Variants in FGF21 observed in about 807,000 individuals in gnomAD.
The protein encoded by FGF21 is fibroblast growth factor 21.
A neutral mutation model predicts 13.4 loss-of-function variants in FGF21; 13 were observed. The ratio of observed to expected loss-of-function variants is 0.97; its 90% CI spans 0.63 to 1.54. The LOEUF (loss-of-function observed/expected upper bound fraction) is 1.54, where lower values mean the gene tolerates loss of function less well. FGF21 is among the 40% of genes most tolerant of loss of function. The pLI is 0.00. For synonymous variants in FGF21, 124 were observed against 123.6 expected, an observed-to-expected ratio of 1.00 and a Z score of -0.02; for missense variants, 303 against 272.4, an observed-to-expected ratio of 1.11 and a Z score of -0.79.
In FGF21 at chr19:48,756,446, G is replaced by T; in HGVS notation, c.210G>T (p.Gly70=). Reference sequence around the variant, plus strand: ...AGATCAGGGAGGATGGGACGGTGGGGGGCGCTGCTGACCAGAGCCCCGAAA... The same window carrying T: ...AGATCAGGGAGGATGGGACGGTGGGTGGCGCTGCTGACCAGAGCCCCGAAA... The part of the protein sequence containing the change: ...HLEIREDGTV[G]GAADQSPESL... Residue 70 remains glycine, a synonymous_variant, in exon 2 of 4, where the codon GGG becomes GGT. Coordinates refer to ENST00000593756, the MANE Select transcript of FGF21 (RefSeq NM_019113.4). The T allele has an allele frequency of 3.1e-6, 5 of 1,613,286 alleles. No homozygotes were observed. The South Asian group carries it at 5.5e-5, about 18-fold the overall frequency.
In FGF21 at chr19:48,758,003, A is replaced by G. The variant is rs1453934850; in HGVS notation, c.413A>G (p.Glu138Gly). 6.2e-7 allele frequency: 1 copy of G among 1,612,676 alleles called. No homozygotes were observed. The highest frequency in any genetic ancestry group is 1.7e-5 in the Admixed American group (1 of 59,876). The change falls in exon 4 of 4, where the codon GAA becomes GGA. Residue 138 changes from glutamate to glycine, a missense_variant. Physicochemically the swap from Glu to Gly is moderately conservative, Grantham distance 98. Coordinates refer to ENST00000593756, the MANE Select transcript of FGF21 (RefSeq NM_019113.4). ...GACGGATACAATGTTTACCAGTCCG[A>G]AGCCCACGGCCTCCCGCTGCACCTG... ...LEDGYNVYQS[E>G]AHGLPLHLPG... is the part of the protein sequence containing the mutation.
chr19:48,757,793 G>C (rs2034133901), intron 3 of FGF21, 137 bp from the exon 4 acceptor site: 1 of 754,470 alleles, frequency 1.3e-6, no homozygotes, highest in Admixed American at 2.7e-5. Context: ...CTAGGGTCTG[G>C]ACCCCTGGGT....
At position 48,756,205 on chromosome 19, in the gene FGF21, C is replaced by T. The variant is rs779209926; in HGVS notation, c.-32C>T. On this transcript the variant is annotated 5_prime_UTR_variant, in exon 2 of 4. Transcript: ENST00000593756. ...ACCACTCAGCTTCTCCGAGCTCACA[C>T]CCCGGAGATCACCTGAGGACCCGAG... 7.0e-6 allele frequency: 11 copies of T among 1,579,164 alleles called. No individual in the cohort carries two copies. Among genetic ancestry groups the T allele is most frequent in the African/African-American group, 5.4e-5 (4 of 74,368 alleles).
chr19:48,757,660 TGAGGGAGGAGAGGCTGGGG>T (rs2034130072), intron 3 of FGF21, among the ~76,000 whole-genome samples: 1 of 105,398 alleles, frequency 9.5e-6, no homozygotes, highest in African/African-American at 3.2e-5. Context: ...ACCCCGGGTC[TGAGGGAGGAGAGGCTGGGG>T]CCTGGAACCC....
chr19:48,756,825 C>T (rs1372905300), intron 2 of FGF21, 101 bp from the exon 3 acceptor site: 9 of 965,244 alleles, frequency 9.3e-6, no homozygotes, highest in Non-Finnish European at 1.5e-5. Flanking sequence ...GGCTTGGACT[C>T]CCAGGGCTGG....
intron 3 of FGF21, 80 bp downstream of exon 3, chr19:48,757,109 C>A: frequency 9.5e-7 from 1 of 1,054,744 alleles, no homozygotes; most frequent in Non-Finnish European, 1.5e-6. Context: ...CCTTGTCTTG[C>A]TCATCCCCCC....
intron 2 of FGF21, among the ~76,000 whole-genome samples, chr19:48,756,685 G>A (rs1426064703): frequency 2.6e-5 from 4 of 151,670 alleles, no homozygotes; most frequent in Non-Finnish European, 5.9e-5. Flanking sequence ...GGGTCTGAGG[G>A]AGGAGGGGCT....
In FGF21 at chr19:48,758,295, T is replaced by C. The variant is rs950434235; in HGVS notation, c.*75T>C. ...TATCTTATTTATTTTTTTATTTTTC[T>C]TACTTGAGATAATAAAGAGTTCCAG... On this transcript the variant is annotated 3_prime_UTR_variant, in exon 4 of 4. Coordinates refer to ENST00000593756, the MANE Select transcript of FGF21 (RefSeq NM_019113.4). 9 of 1,310,406 alleles carry C rather than the reference T, an allele frequency of 6.9e-6. No individual in the cohort carries two copies. In the African/African-American group the frequency reaches 1.4e-4, roughly 20 times the overall value. The allele number at this position is 1,310,406 out of a possible 1,614,324, so 81.2% of individuals were successfully genotyped here.
Position 48,757,981 on chromosome 19 carries a change from G to T in FGF21, c.391G>T (p.Gly131Ter). 6.2e-7 allele frequency: 1 copy of T among 1,605,230 alleles called. No homozygotes were observed. Among genetic ancestry groups the T allele is most frequent in the Non-Finnish European group, 8.5e-7 (1 of 1,175,508 alleles). ...CTTCCGGGAGCTGCTTCTTGAGGAC[G>T]GATACAATGTTTACCAGTCCGAAGC... ...CSFRELLLED[G>*]YNVYQSEAHG... The change falls in exon 4 of 4, where the codon GGA (glycine) becomes TGA (stop). Residue 131 changes from glycine to a stop codon, truncating the protein, a stop_gained. Coordinates refer to ENST00000593756, the MANE Select transcript of FGF21 (RefSeq NM_019113.4). LOFTEE classifies it low-confidence loss of function (END_TRUNC).
Position 48,758,159 on chromosome 19 carries a change from C to T in FGF21, c.569C>T (p.Ser190Phe). The T allele has an allele frequency of 6.2e-7, 1 of 1,612,454 alleles. No individual in the cohort carries two copies. ...ILAPQPPDVG[S>F]SDPLSMVGPS... Reference sequence around the variant, plus strand: ...GCCCCCCAGCCCCCCGATGTGGGCTCCTCGGACCCTCTGAGCATGGTGGGA... The same window carrying T: ...GCCCCCCAGCCCCCCGATGTGGGCTTCTCGGACCCTCTGAGCATGGTGGGA... Residue 190 changes from serine to phenylalanine, a missense_variant, in exon 4 of 4, where the codon TCC (serine) becomes TTC (phenylalanine). By Grantham distance (155) the Ser-to-Phe change is radical. Transcript: ENST00000593756.
rs545744536 is a variant in FGF21, at chr19:48,757,998, G to A, written c.408G>A (p.Gln136=). The part of the protein sequence containing the change: ...LLLEDGYNVY[Q]SEAHGLPLHL... ...TTGAGGACGGATACAATGTTTACCAGTCCGAAGCCCACGGCCTCCCGCTGC... is the reference window on the plus strand; with the variant it reads ...TTGAGGACGGATACAATGTTTACCAATCCGAAGCCCACGGCCTCCCGCTGC... The change falls in exon 4 of 4, where the codon CAG becomes CAA. Residue 136 remains glutamine, a synonymous_variant. Transcript: ENST00000593756. 4.3e-6 allele frequency: 7 copies of A among 1,612,314 alleles called. No homozygotes were observed. In the East Asian group the frequency reaches 1.3e-4, roughly 31 times the overall value.
In FGF21 at chr19:48,756,310, C is replaced by T; in HGVS notation, c.74C>T (p.Ala25Val). 2 of 1,614,044 alleles carry T rather than the reference C, an allele frequency of 1.2e-6. No homozygotes were observed. Among genetic ancestry groups the T allele is most frequent in the Non-Finnish European group, 1.7e-6 (2 of 1,180,028 alleles). ...GTGCTGGCTGGTCTTCTGCTGGGAG[C>T]CTGCCAGGCACACCCCATCCCTGAC... ...VSVLAGLLLG[A>V]CQAHPIPDSS... is the part of the protein sequence containing the mutation. The change falls in exon 2 of 4, where the codon GCC becomes GTC. Residue 25 changes from alanine to valine, a missense_variant. Physicochemically the swap from Ala to Val is moderately conservative, Grantham distance 64. Transcript: ENST00000593756.
rs1325876465 is a variant in FGF21, at chr19:48,756,945, C to T, written c.255C>T (p.Ala85=). Residue 85 remains alanine, a synonymous_variant, in exon 3 of 4, where the codon GCC becomes GCT. Transcript: ENST00000593756. ...QSPESLLQLK[A]LKPGVIQILG... The stretch of plus-strand genomic sequence containing the variant: ...CCTTAGGTCTCCTGCAGCTGAAAGC[C>T]TTGAAGCCGGGAGTTATTCAAATCT... 1 of 1,614,012 alleles carries T rather than the reference C, an allele frequency of 6.2e-7. No individual in the cohort carries two copies. The highest frequency in any genetic ancestry group is 8.5e-7 in the Non-Finnish European group (1 of 1,179,926).
rs1240408972 is a variant in FGF21 at position 48,756,307 on chromosome 19, G to A, written c.71G>A (p.Gly24Glu). Residue 24 changes from glycine (G) to glutamate (E), a missense_variant, in exon 2 of 4, where the codon GGA becomes GAA. Coordinates refer to ENST00000593756, the MANE Select transcript of FGF21 (RefSeq NM_019113.4). Reference protein sequence around the residue: ...WVSVLAGLLLGACQAHPIPDS... With the variant: ...WVSVLAGLLLEACQAHPIPDS... ...TCTGTGCTGGCTGGTCTTCTGCTGG[G>A]AGCCTGCCAGGCACACCCCATCCCT... The A allele has an allele frequency of 1.9e-6, 3 of 1,613,944 alleles. No individual in the cohort carries two copies. The highest frequency in any genetic ancestry group is 1.3e-5 in the African/African-American group (1 of 74,910).
Position 48,756,150 on chromosome 19 carries a change from TG to T in FGF21, c.-85del. On this transcript the variant is annotated 5_prime_UTR_variant, in exon 2 of 4. Transcript: ENST00000593756. ...CTCAGGCCACCTGAGTCTACTCACCTGGACAACTGGAATCTGGCACCAATTC... is the reference window on the plus strand; with the variant it reads ...CTCAGGCCACCTGAGTCTACTCACCTGACAACTGGAATCTGGCACCAATTC... The T allele has an allele frequency of 8.4e-7, 1 of 1,191,224 alleles. No individual in the cohort carries two copies. Among genetic ancestry groups the T allele is most frequent in the Non-Finnish European group, 1.2e-6 (1 of 838,422 alleles). 73.8% of individuals were successfully genotyped at this position (1,191,224 alleles called of 1,614,324 possible).
chr19:48,756,357 G>C lies in FGF21; in HGVS notation c.121G>C (p.Gly41Arg). The C allele has an allele frequency of 6.2e-7, 1 of 1,614,008 alleles. No homozygotes were observed. The highest frequency in any genetic ancestry group is 1.1e-5 in the South Asian group (1 of 91,082). Residue 41 changes from glycine to arginine, a missense_variant, in exon 2 of 4, where the codon GGG becomes CGG. Coordinates refer to ENST00000593756, the MANE Select transcript of FGF21 (RefSeq NM_019113.4). ...IPDSSPLLQF[G>R]GQVRQRYLYT... ...TGACTCCAGTCCTCTCCTGCAATTCGGGGGCCAAGTCCGGCAGCGGTACCT... is the reference window on the plus strand; with the variant it reads ...TGACTCCAGTCCTCTCCTGCAATTCCGGGGCCAAGTCCGGCAGCGGTACCT...
At chr19:48,757,120 C>CG in intron 3 of FGF21, 91 bp downstream of exon 3, 1 of 910,688 alleles carries the variant, frequency 1.1e-6, no homozygotes, top group Non-Finnish European at 1.8e-6. Context: ...TCATCCCCCC[C>CG]GGAGCCAGAC....
chr19:48,757,064 G>A (rs1255329363), intron 3 of FGF21, 35 bp downstream of exon 3: 1 of 1,522,538 alleles, frequency 6.6e-7, no homozygotes, highest in Non-Finnish European at 9.1e-7. Flanking sequence ...CACCCACCAT[G>A]CTCCTCCTAT....
chr19:48,757,808 G>A, intron 3 of FGF21, 122 bp from the exon 4 acceptor site: 2 of 898,446 alleles, frequency 2.2e-6, no homozygotes, highest in Non-Finnish European at 3.3e-6. Flanking sequence ...CTGGGTCTGA[G>A]GGAGGAGGCG....
Sources: gnomAD v4.1 joint callset for allele counts (sites outside exome capture counted in the v4.1 genomes callset) on GRCh38, gnomAD v4.1.1 for gene constraint, MANE v1.5 for transcripts, NCBI Gene and HGNC (gene_info 2026-07-23, HGNC 2026-07-21) for gene names.